The following IFT56 variants were observed in gnomAD, a reference collection of about 807,000 sequenced individuals.
The protein encoded by IFT56 is intraflagellar transport 56.
chr7:139,153,561 C>CAT, the IFT56 span, among the ~76,000 whole-genome samples: 14 of 151,948 alleles, frequency 9.2e-5, no homozygotes, highest in Non-Finnish European at 1.5e-5. Flanking sequence ...CTGGATATTT[C>CAT]ATATATATAT....
At chr7:139,155,286 G>A in the IFT56 span, among the ~76,000 whole-genome samples, 3 of 152,034 alleles carry the variant, frequency 2.0e-5, no homozygotes, top group Non-Finnish European at 4.4e-5. Context: ...TTTCCAGTCT[G>A]GATACCTCTT....
the IFT56 span, among the ~76,000 whole-genome samples, chr7:139,144,967 T>C: frequency 6.6e-6 from 1 of 152,206 alleles, no homozygotes; most frequent in African/African-American, 2.4e-5. Flanking sequence ...CTTGGCAATA[T>C]TGTGTTTAAT....
At chr7:139,168,292 A>G in the IFT56 span, 3 of 1,272,398 alleles carry the variant, frequency 2.4e-6, no homozygotes, top group African/African-American at 4.4e-5. Context: ...TAATTTGAAA[A>G]TGATCTCATA....
At chr7:139,189,071 A>G in the IFT56 span, among the ~76,000 whole-genome samples, 1 of 152,200 alleles carries the variant, frequency 6.6e-6, no homozygotes, top group South Asian at 2.1e-4. Context: ...CAGTATGTAT[A>G]TAGGTAGTAT....
At chr7:139,165,223 A>G in the IFT56 span, 1 of 1,612,374 alleles carries the variant, frequency 6.2e-7, no homozygotes. Flanking sequence ...GTGATTTACT[A>G]CCTTCGTCAA....
chr7:139,151,766 A>G, the IFT56 span, among the ~76,000 whole-genome samples: 3 of 152,222 alleles, frequency 2.0e-5, no homozygotes, highest in Non-Finnish European at 4.4e-5. Flanking sequence ...TATCTTGTTT[A>G]AGAAACCATT....
the IFT56 span, chr7:139,187,374 G>T: frequency 6.2e-7 from 1 of 1,607,994 alleles, no homozygotes; most frequent in Middle Eastern, 1.7e-4. Flanking sequence ...TCTCTTTACT[G>T]CAAGTATTAC....
At chr7:139,187,674 A>G in the IFT56 span, 15,370 of 1,159,882 alleles carry the variant, frequency 0.013, 128 homozygotes, top group Middle Eastern at 0.035. Context: ...AAAGGTTGAT[A>G]TTAAATATTT....
chr7:139,182,055 G>C, the IFT56 span, among the ~76,000 whole-genome samples: 2 of 151,860 alleles, frequency 1.3e-5, no homozygotes, highest in African/African-American at 4.8e-5. Context: ...GTCAGATTTA[G>C]TAAAGAAATG....
chr7:139,161,082 G>T, the IFT56 span: 1 of 1,437,300 alleles, frequency 7.0e-7, no homozygotes. Context: ...GTACATCACA[G>T]CAATTAGAAA....
the IFT56 span, among the ~76,000 whole-genome samples, chr7:139,141,257 A>G: frequency 2.5e-5 from 2 of 80,794 alleles, no homozygotes; most frequent in Non-Finnish European, 3.6e-5. Context: ...CAAGACTCTG[A>G]AAAAAAAAAA....
At chr7:139,172,054 T>G in the IFT56 span, among the ~76,000 whole-genome samples, 8 of 152,136 alleles carry the variant, frequency 5.3e-5, no homozygotes, top group African/African-American at 1.9e-4. Context: ...TGAGACTACT[T>G]TGTGGTTTCC....
At chr7:139,175,689 A>G in the IFT56 span, among the ~76,000 whole-genome samples, 6 of 152,130 alleles carry the variant, frequency 3.9e-5, no homozygotes, top group Non-Finnish European at 8.8e-5. Flanking sequence ...AAAAAATATT[A>G]AAACACTTGA....
the IFT56 span, chr7:139,178,168 T>G: frequency 3.0e-6 from 4 of 1,349,138 alleles, no homozygotes; most frequent in African/African-American, 4.4e-5. Flanking sequence ...TAAAGAGGAT[T>G]TTAGTCTCAT....
At chr7:139,179,484 A>C in the IFT56 span, 1 of 1,015,346 alleles carries the variant, frequency 9.8e-7, no homozygotes, top group Non-Finnish European at 1.6e-6. Context: ...ATAATGCTAC[A>C]GTGATCATCA....
At chr7:139,188,494 G>T in the IFT56 span, among the ~76,000 whole-genome samples, 1 of 152,140 alleles carries the variant, frequency 6.6e-6, no homozygotes, top group Non-Finnish European at 1.5e-5. Context: ...TACATGAATA[G>T]GAAATGTGTT....
the IFT56 span, among the ~76,000 whole-genome samples, chr7:139,136,009 C>T: frequency 2.0e-5 from 3 of 151,982 alleles, no homozygotes; most frequent in Non-Finnish European, 4.4e-5. Context: ...CTGCAACCTG[C>T]ACCTCCCTGG....
chr7:139,184,218 A>G, the IFT56 span, among the ~76,000 whole-genome samples: 1 of 152,186 alleles, frequency 6.6e-6, no homozygotes, highest in Non-Finnish European at 1.5e-5. Context: ...GATCTGCTTA[A>G]TAGGGCCGTT....
the IFT56 span, among the ~76,000 whole-genome samples, chr7:139,145,835 AAT>A: frequency 1.3e-5 from 2 of 152,070 alleles, no homozygotes; most frequent in East Asian, 3.9e-4. Flanking sequence ...AATTTAAAGA[AAT>A]ATATTTTATT....
Sources: gnomAD v4.1 joint callset for allele counts (sites outside exome capture counted in the v4.1 genomes callset) on GRCh38, gnomAD v4.1.1 for gene constraint, MANE v1.5 for transcripts, NCBI Gene and HGNC (gene_info 2026-07-23, HGNC 2026-07-21) for gene names.